FAM83B: variants seen among roughly 807,000 people sequenced by gnomAD.
FAM83B encodes protein FAM83B.
In FAM83B, 26 loss-of-function variants were observed where a neutral mutation model predicts 38.8. That is an observed-to-expected ratio of 0.67 (90% CI 0.49 to 0.93). FAM83B has a LOEUF of 0.93. FAM83B is among the 40% of genes least tolerant of loss of function. The pLI is 0.00. For missense variants in FAM83B, 1,237 were observed against 1,197.3 expected, an observed-to-expected ratio of 1.03 and a Z score of -0.49; for synonymous variants, 419 against 423.1, an observed-to-expected ratio of 0.99 and a Z score of 0.12.
At chr6:54,852,889 C>T (rs1420751848) in intron 1 of FAM83B, among the ~76,000 whole-genome samples, 1 of 152,082 alleles carries the variant, frequency 6.6e-6, no homozygotes, top group Non-Finnish European at 1.5e-5. Context: ...GAATGCTGCC[C>T]AATACAAATT....
At chr6:54,917,435 C>T (rs917572251) in intron 2 of FAM83B, among the ~76,000 whole-genome samples, 3 of 152,038 alleles carry the variant, frequency 2.0e-5, no homozygotes, top group Non-Finnish European at 2.9e-5. Flanking sequence ...TAAATGTTCC[C>T]TTCCCAATGT....
intron 2 of FAM83B, among the ~76,000 whole-genome samples, chr6:54,920,827 G>A (rs80088032): frequency 0.035 from 5,357 of 151,830 alleles, 306 homozygotes; most frequent in African/African-American, 0.12. Context: ...TTCAGTATGC[G>A]TATTACTATC....
intron 2 of FAM83B, among the ~76,000 whole-genome samples, chr6:54,914,369 C>G (rs1772986553): frequency 1.3e-5 from 2 of 152,064 alleles, no homozygotes; most frequent in African/African-American, 4.8e-5. Flanking sequence ...TATATTGAAC[C>G]TAGCACTTAC....
intron 2 of FAM83B, among the ~76,000 whole-genome samples, chr6:54,907,063 T>A (rs1409214234): frequency 6.6e-6 from 1 of 152,180 alleles, no homozygotes; most frequent in African/African-American, 2.4e-5. Context: ...TCATTACAGT[T>A]ATATGGAGAA....
intron 1 of FAM83B, among the ~76,000 whole-genome samples, chr6:54,861,195 G>T (rs115070011): frequency 6.6e-6 from 1 of 152,316 alleles, no homozygotes; most frequent in African/African-American, 2.4e-5. Flanking sequence ...ATGAATTTGA[G>T]CAAATCTTTC....
chr6:54,933,812 T>C (rs966651222), intron 4 of FAM83B, among the ~76,000 whole-genome samples: 1 of 152,148 alleles, frequency 6.6e-6, no homozygotes, highest in Non-Finnish European at 1.5e-5. Flanking sequence ...TCAGGTAAGA[T>C]AGAAGCCAGT....
At chr6:54,936,318 T>C (rs1027255026) in intron 4 of FAM83B, among the ~76,000 whole-genome samples, 1 of 152,100 alleles carries the variant, frequency 6.6e-6, no homozygotes, top group African/African-American at 2.4e-5. Flanking sequence ...CACTTGGAAG[T>C]TGTTTTTATT....
At chr6:54,863,126 C>A (rs1444734941) in intron 1 of FAM83B, among the ~76,000 whole-genome samples, 1 of 152,066 alleles carries the variant, frequency 6.6e-6, no homozygotes, top group Admixed American at 6.6e-5. Context: ...TTTTGGAATT[C>A]TGACATGAAG....
chr6:54,883,219 A>AG (rs1333848327), intron 2 of FAM83B, among the ~76,000 whole-genome samples: 6 of 152,144 alleles, frequency 3.9e-5, no homozygotes, highest in Non-Finnish European at 8.8e-5. Context: ...CTGGGATTAC[A>AG]GGCGTGAGCC....
intron 2 of FAM83B, among the ~76,000 whole-genome samples, chr6:54,922,460 G>A (rs562245414): frequency 1.3e-5 from 2 of 151,464 alleles, no homozygotes; most frequent in South Asian, 2.1e-4. Flanking sequence ...CCTCATTAAT[G>A]CATAGCTAAT....
chr6:54,846,616 A>G (rs1771137750), upstream of FAM83B, among the ~76,000 whole-genome samples: 1 of 151,102 alleles, frequency 6.6e-6, no homozygotes, highest in Non-Finnish European at 1.5e-5. Context: ...ACTTGTTGTA[A>G]CCCGTCTCCA....
rs760061047 is a variant in FAM83B at position 54,879,600 on chromosome 6, G to A, written c.444+8910G>A. Among the ~76,000 whole-genome samples, 15 of 152,194 alleles carry A rather than the reference G, an allele frequency of 9.9e-5. No individual in the cohort carries two copies. In the East Asian group the frequency reaches 2.1e-3, roughly 22 times the overall value. The stretch of plus-strand genomic sequence containing the variant: ...GGGCATTTTCAGACAGCGGGGGAGC[G>A]TGAGAGAAGTAGAGTAGGGTGGAAA... On this transcript the variant is annotated intron_variant, in intron 2 of 4. Transcript: ENST00000306858.
intron 1 of FAM83B, among the ~76,000 whole-genome samples, chr6:54,867,090 T>C (rs545216305): frequency 1.3e-5 from 2 of 151,998 alleles, no homozygotes; most frequent in African/African-American, 4.8e-5. Flanking sequence ...ATATCTTTTT[T>C]TTTTTCTCTA....
At chr6:54,850,667 C>T (rs556080536) in intron 1 of FAM83B, among the ~76,000 whole-genome samples, 124 of 152,244 alleles carry the variant, frequency 8.1e-4, no homozygotes, top group African/African-American at 2.8e-3. Context: ...TAATTCTTAA[C>T]AGCATGTTAC....
chr6:54,910,367 C>G (rs1205960496), intron 2 of FAM83B, among the ~76,000 whole-genome samples: 1 of 152,182 alleles, frequency 6.6e-6, no homozygotes, highest in Non-Finnish European at 1.5e-5. Context: ...AATCCGAATT[C>G]ATTGTTCTAC....
At chr6:54,865,320 C>T (rs1357272072) in intron 1 of FAM83B, among the ~76,000 whole-genome samples, 3 of 152,134 alleles carry the variant, frequency 2.0e-5, no homozygotes, top group Non-Finnish European at 4.4e-5. Flanking sequence ...TCTGTAGTCA[C>T]GTGCAGTTCT....
At chr6:54,865,100 A>G (rs1468509071) in intron 1 of FAM83B, among the ~76,000 whole-genome samples, 5 of 152,224 alleles carry the variant, frequency 3.3e-5, no homozygotes, top group Non-Finnish European at 5.9e-5. Context: ...ACGCATTTGT[A>G]TCAGCTGCCT....
chr6:54,916,491 A>G (rs1353768518), intron 2 of FAM83B, among the ~76,000 whole-genome samples: 1 of 152,162 alleles, frequency 6.6e-6, no homozygotes, highest in Non-Finnish European at 1.5e-5. Flanking sequence ...CGGATGTCTG[A>G]CAAAATAATT....
chr6:54,909,123 A>G (rs1772846766), intron 2 of FAM83B, among the ~76,000 whole-genome samples: 2 of 149,184 alleles, frequency 1.3e-5, no homozygotes, highest in Non-Finnish European at 3.0e-5. Context: ...AAGTGTTATT[A>G]TTCCAAATTT....
Sources: allele counts gnomAD v4.1 joint callset (sites outside exome capture counted in the v4.1 genomes callset), GRCh38; gene constraint gnomAD v4.1.1; transcripts MANE v1.5; gene names NCBI Gene and HGNC (gene_info 2026-07-23, HGNC 2026-07-21).